THSD7B: variants seen among roughly 807,000 people sequenced by gnomAD.
THSD7B encodes thrombospondin type-1 domain-containing protein 7B.
Under a neutral mutation model 213.6 loss-of-function variants are expected in THSD7B, and 138 were observed. The ratio of observed to expected loss-of-function variants is 0.65; its 90% CI spans 0.56 to 0.74. The LOEUF is 0.74. Among genes scored for constraint, THSD7B ranks in the 30% least tolerant of loss-of-function variants. THSD7B has a pLI of 0.00. For synonymous variants in THSD7B, 742 were observed against 687.0 expected (o/e 1.08, Z -1.25); for missense variants, 1,931 against 1,991.5 (o/e 0.97, Z 0.58).
intron 26 of THSD7B, 58 bp downstream of exon 26, chr2:137,663,633 A>G: frequency 7.0e-7 from 1 of 1,432,616 alleles, no homozygotes; most frequent in Non-Finnish European, 9.5e-7. Context: ...CTATATTTTG[A>G]CCACTTCTCA....
intron 2 of THSD7B, among the ~76,000 whole-genome samples, chr2:137,051,536 T>G (rs1029976546): frequency 6.6e-6 from 1 of 152,226 alleles, no homozygotes; most frequent in Admixed American, 6.5e-5. Context: ...CAATGTTGTT[T>G]TAAATCCGAT....
chr2:137,500,957 A>G (rs1187426582), intron 15 of THSD7B, among the ~76,000 whole-genome samples: 2 of 152,014 alleles, frequency 1.3e-5, no homozygotes, highest in African/African-American at 2.4e-5. Flanking sequence ...TTTATATTAG[A>G]AAGGTTTAAA....
chr2:137,206,586 T>C (rs1680988412), intron 7 of THSD7B, among the ~76,000 whole-genome samples: 1 of 152,014 alleles, frequency 6.6e-6, no homozygotes, highest in African/African-American at 2.4e-5. Flanking sequence ...GATTCTAATA[T>C]GCAAACAAGG....
At chr2:137,631,723 T>C (rs537233651) in intron 20 of THSD7B, among the ~76,000 whole-genome samples, 1 of 152,298 alleles carries the variant, frequency 6.6e-6, no homozygotes, top group East Asian at 1.9e-4. Flanking sequence ...AAGTAATTCG[T>C]TCTTATGGCA....
intron 7 of THSD7B, among the ~76,000 whole-genome samples, chr2:137,217,405 T>A: frequency 6.6e-6 from 1 of 152,192 alleles, no homozygotes; most frequent in East Asian, 1.9e-4. Flanking sequence ...ACCTGTTACT[T>A]TAATCTTACC....
chr2:137,358,454 C>T (rs1404596023), intron 12 of THSD7B, among the ~76,000 whole-genome samples: 1 of 152,174 alleles, frequency 6.6e-6, no homozygotes, highest in Admixed American at 6.6e-5. Flanking sequence ...GAACTTATTA[C>T]ACCTACTCAG....
At chr2:136,986,655 C>T (rs1172135512) in intron 2 of THSD7B, among the ~76,000 whole-genome samples, 1 of 152,142 alleles carries the variant, frequency 6.6e-6, no homozygotes, top group Non-Finnish European at 1.5e-5. Context: ...AATGTTTCTC[C>T]TGCATTTTTT....
At chr2:137,206,046 C>CTTTT (rs35864577) in intron 7 of THSD7B, among the ~76,000 whole-genome samples, 5 of 148,084 alleles carry the variant, frequency 3.4e-5, no homozygotes, top group Admixed American at 2.0e-4. Context: ...AGTGATTATC[C>CTTTT]TTTTTTTTTT....
intron 3 of THSD7B, among the ~76,000 whole-genome samples, chr2:137,071,128 G>A (rs1380470764): frequency 6.6e-6 from 1 of 152,158 alleles, no homozygotes; most frequent in Non-Finnish European, 1.5e-5. Flanking sequence ...GATCCCTGAG[G>A]AATCGCCACA....
At chr2:136,956,840 T>C (rs1173079030) in intron 2 of THSD7B, among the ~76,000 whole-genome samples, 1 of 151,860 alleles carries the variant, frequency 6.6e-6, no homozygotes, top group Non-Finnish European at 1.5e-5. Flanking sequence ...CCACCGTGTC[T>C]AGCTAATTTT....
chr2:137,384,588 G>A (rs1685850619), intron 12 of THSD7B, among the ~76,000 whole-genome samples: 1 of 152,164 alleles, frequency 6.6e-6, no homozygotes, highest in South Asian at 2.1e-4. Context: ...TCTAGAGGTG[G>A]AGGCAGGGTC....
intron 10 of THSD7B, among the ~76,000 whole-genome samples, chr2:137,248,533 T>A (rs1558972735): frequency 6.6e-6 from 1 of 152,188 alleles, no homozygotes; most frequent in Non-Finnish European, 1.5e-5. Context: ...CCAGGTCAAT[T>A]AGGGAACTGG....
intron 12 of THSD7B, among the ~76,000 whole-genome samples, chr2:137,382,752 T>G (rs770774080): frequency 6.6e-6 from 1 of 152,134 alleles, no homozygotes; most frequent in Non-Finnish European, 1.5e-5. Flanking sequence ...AGGAGCAAAG[T>G]TGCAAGAGGT....
At chr2:137,376,859 G>A (rs1019526137) in intron 12 of THSD7B, among the ~76,000 whole-genome samples, 2 of 152,260 alleles carry the variant, frequency 1.3e-5, no homozygotes, top group South Asian at 2.1e-4. Context: ...TTAGTCTGAT[G>A]TCTTTTTAGT....
intron 2 of THSD7B, among the ~76,000 whole-genome samples, chr2:136,885,374 T>A (rs1397780328): frequency 1.3e-5 from 2 of 152,102 alleles, no homozygotes; most frequent in African/African-American, 4.8e-5. Flanking sequence ...TATTATGTTT[T>A]TTAGGATTTC....
Position 137,296,840 on chromosome 2 carries a change from A to G in THSD7B, c.2500+20814A>G, listed in dbSNP as rs2104840681. 2.0e-5 allele frequency among the ~76,000 whole-genome samples: 3 copies of G among 152,064 alleles called. No homozygotes were observed. The South Asian group carries it at 6.3e-4, about 32-fold the overall frequency. ...CCTAAGTGTAAGCTCCACTAGCTAG[A>G]AACTCAGGGCTGTTGTGGCTTCCTT... On this transcript the variant is annotated intron_variant, in intron 12 of 27. Transcript: ENST00000409968.
intron 12 of THSD7B, among the ~76,000 whole-genome samples, chr2:137,379,836 T>G (rs1431963731): frequency 6.6e-6 from 1 of 152,210 alleles, no homozygotes; most frequent in Non-Finnish European, 1.5e-5. Context: ...CCACCTTCCC[T>G]GTTCCTCCTG....
intron 14 of THSD7B, among the ~76,000 whole-genome samples, chr2:137,423,536 T>TATA (rs1439515171): frequency 6.6e-6 from 1 of 152,024 alleles, no homozygotes; most frequent in Admixed American, 6.6e-5. Context: ...TAATTTCATT[T>TATA]ATAATAGCAT....
intron 1 of THSD7B, among the ~76,000 whole-genome samples, chr2:136,827,128 A>G (rs1294940261): frequency 2.0e-5 from 3 of 152,212 alleles, no homozygotes; most frequent in African/African-American, 7.2e-5. Context: ...TAGCAAAAAG[A>G]CAATCATGAA....
Sources: allele counts gnomAD v4.1 joint callset (sites outside exome capture counted in the v4.1 genomes callset), GRCh38; gene constraint gnomAD v4.1.1; transcripts MANE v1.5; gene names NCBI Gene and HGNC (gene_info 2026-07-23, HGNC 2026-07-21).